INPP4B: variants seen among roughly 807,000 people sequenced by gnomAD.
INPP4B encodes the protein inositol polyphosphate 4-phosphatase type II.
A neutral mutation model predicts 122.5 loss-of-function variants in INPP4B; 55 were observed. The observed-to-expected ratio is 0.45, with a 90% CI of 0.36 to 0.56. The LOEUF is 0.56. Among genes scored for constraint, INPP4B ranks in the 20% least tolerant of loss-of-function variants. INPP4B has a pLI of 0.00. For synonymous variants in INPP4B, 403 were observed against 388.7 expected (o/e 1.04, Z -0.43); for missense variants, 1,000 against 1,097.7 (o/e 0.91, Z 1.26).
At chr4:142,761,117 C>A (rs1771271584) in intron 1 of INPP4B, among the ~76,000 whole-genome samples, 1 of 151,994 alleles carries the variant, frequency 6.6e-6, no homozygotes, top group African/African-American at 2.4e-5. Context: ...CCCAAGAACA[C>A]AATATGGACC....
At chr4:142,045,822 T>G (rs1276753450) in intron 25 of INPP4B, among the ~76,000 whole-genome samples, 4 of 152,090 alleles carry the variant, frequency 2.6e-5, no homozygotes, top group Non-Finnish European at 5.9e-5. Context: ...GATACAAAAG[T>G]AAAGGAGATA....
At chr4:142,337,735 TTTATATATATTATA>T (rs1777253980) in intron 7 of INPP4B, among the ~76,000 whole-genome samples, 1 of 75,402 alleles carries the variant, frequency 1.3e-5, no homozygotes, top group Non-Finnish European at 2.4e-5. Context: ...TTTATATATA[TTTATATATATTATA>T]TATTTTATAT....
intron 10 of INPP4B, among the ~76,000 whole-genome samples, chr4:142,262,426 T>A (rs1441101149): frequency 6.6e-6 from 1 of 152,194 alleles, no homozygotes; most frequent in Non-Finnish European, 1.5e-5. Context: ...TCCTGACATA[T>A]ATCCCCATCT....
chr4:142,703,284 C>A (rs1178648266), intron 2 of INPP4B, among the ~76,000 whole-genome samples: 1 of 152,082 alleles, frequency 6.6e-6, no homozygotes, highest in South Asian at 2.1e-4. Flanking sequence ...TATTTGAAAT[C>A]TCAGAATTTT....
chr4:142,661,643 G>A lies in INPP4B; in HGVS notation c.-191+64196C>T, dbSNP rs1755190811. Among the ~76,000 whole-genome samples the A allele has an allele frequency of 2.0e-5, 3 of 152,180 alleles. No individual in the cohort carries two copies. In the South Asian group the frequency reaches 6.2e-4, roughly 32 times the overall value. On this transcript the variant is annotated intron_variant, in intron 2 of 25. Transcript: ENST00000262992. ...AATAAACCCTTTTTAAAAATACAAC[G>A]GGATCTTTCTTTCATGCTTTGTTAG... is the stretch of plus-strand genomic sequence containing the variant.
intron 2 of INPP4B, among the ~76,000 whole-genome samples, chr4:142,480,819 C>A (rs975903339): frequency 6.6e-6 from 1 of 151,942 alleles, no homozygotes; most frequent in African/African-American, 2.4e-5. Context: ...CAATAGGGAT[C>A]CAAGACGAAA....
At chr4:142,260,659 G>A in intron 10 of INPP4B, 95 bp from the exon 11 acceptor site, 1 of 793,398 alleles carries the variant, frequency 1.3e-6, no homozygotes, top group Non-Finnish European at 2.0e-6. Context: ...CTATGTACAT[G>A]GTTTCAAAAA....
intron 6 of INPP4B, among the ~76,000 whole-genome samples, chr4:142,404,329 G>GA (rs1204372521): frequency 6.6e-6 from 1 of 152,244 alleles, no homozygotes; most frequent in East Asian, 1.9e-4. Flanking sequence ...GGCTAGTTAG[G>GA]TTCTTACAGA....
intron 2 of INPP4B, among the ~76,000 whole-genome samples, chr4:142,525,254 G>T (rs1230798837): frequency 6.6e-6 from 1 of 151,904 alleles, no homozygotes. Flanking sequence ...GAAAGAAATG[G>T]AAGAACATTC....
intron 11 of INPP4B, among the ~76,000 whole-genome samples, chr4:142,251,090 T>C (rs1731780760): frequency 6.6e-6 from 1 of 152,204 alleles, no homozygotes. Context: ...TATTTTTCAA[T>C]ATGATCTCTG....
chr4:142,115,929 G>C (rs2152722578), intron 21 of INPP4B, among the ~76,000 whole-genome samples: 1 of 152,158 alleles, frequency 6.6e-6, no homozygotes, highest in African/African-American at 2.4e-5. Context: ...CTCACATGCA[G>C]AGACACACAT....
chr4:142,529,968 C>T (rs772625205), intron 2 of INPP4B, among the ~76,000 whole-genome samples: 12 of 152,090 alleles, frequency 7.9e-5, no homozygotes, highest in Non-Finnish European at 7.4e-5. Context: ...ACGTATGCTA[C>T]TTCCATCACT....
At chr4:142,425,195 T>G (rs1028472476) in intron 5 of INPP4B, 7 of 152,184 alleles carry the variant, frequency 4.6e-5, no homozygotes, top group Non-Finnish European at 8.8e-5. Flanking sequence ...TGTCTCTCCA[T>G]CCTTTACTCA....
intron 1 of INPP4B, among the ~76,000 whole-genome samples, chr4:142,746,528 AT>A (rs766356033): frequency 5.5e-4 from 83 of 152,168 alleles, no homozygotes; most frequent in Non-Finnish European, 1.1e-3. Context: ...AATACTTTAA[AT>A]TTCATATGGA....
At chr4:142,525,580 CG>C (rs1826797490) in intron 2 of INPP4B, among the ~76,000 whole-genome samples, 1 of 59,364 alleles carries the variant, frequency 1.7e-5, no homozygotes, top group African/African-American at 4.8e-5. Flanking sequence ...TCAGAAATAA[CG>C]CCGCATATCT....
intron 7 of INPP4B, among the ~76,000 whole-genome samples, chr4:142,320,396 T>A (rs1053309648): frequency 6.6e-6 from 1 of 152,222 alleles, no homozygotes; most frequent in African/African-American, 2.4e-5. Flanking sequence ...GGAACGATCT[T>A]AGAATTCCAC....
chr4:142,564,439 C>CAAAAAAAAAAAAAA (rs199803105), intron 2 of INPP4B, among the ~76,000 whole-genome samples: 2 of 97,908 alleles, frequency 2.0e-5, no homozygotes, highest in Non-Finnish European at 3.8e-5. Context: ...TAAGGAATGG[C>CAAAAAAAAAAAAAA]AAAAAAAAAA....
At chr4:142,541,086 G>T (rs925148100) in intron 2 of INPP4B, among the ~76,000 whole-genome samples, 4 of 152,116 alleles carry the variant, frequency 2.6e-5, no homozygotes, top group African/African-American at 9.7e-5. Flanking sequence ...CAGGACAAAA[G>T]CTGATTTGAT....
chr4:142,444,203 A>C (rs1812420304), intron 3 of INPP4B, among the ~76,000 whole-genome samples: 1 of 152,238 alleles, frequency 6.6e-6, no homozygotes, highest in African/African-American at 2.4e-5. Context: ...ACTTGAAGAT[A>C]GTCTAATAGA....
Sources: gnomAD v4.1 joint callset for allele counts (sites outside exome capture counted in the v4.1 genomes callset) on GRCh38, gnomAD v4.1.1 for gene constraint, MANE v1.5 for transcripts, NCBI Gene and HGNC (gene_info 2026-07-23, HGNC 2026-07-21) for gene names.